Variants in INTU observed in about 807,000 individuals in gnomAD.
The protein encoded by INTU is inturned planar cell polarity protein, also known as protein inturned.
In INTU, 68 loss-of-function variants were observed where a neutral mutation model predicts 100.5. The ratio of observed to expected loss-of-function variants is 0.68; its 90% CI spans 0.56 to 0.83. The LOEUF (loss-of-function observed/expected upper bound fraction) is 0.83, where lower values mean the gene tolerates loss of function less well. INTU is among the 40% of genes least tolerant of loss of function. The pLI is 0.00. For missense variants in INTU, 1,071 were observed against 1,114.7 expected (o/e 0.96, Z 0.56); for synonymous variants, 357 against 395.7 (o/e 0.90, Z 1.16).
intron 1 of INTU, among the ~76,000 whole-genome samples, chr4:127,640,240 AAACT>A (rs1402433212): frequency 1.3e-5 from 2 of 152,022 alleles, no homozygotes; most frequent in Non-Finnish European, 2.9e-5. Flanking sequence ...AAGAAGAGGA[AAACT>A]AAAGCAATCA....
At chr4:127,672,574 A>G (rs550943464) in intron 5 of INTU, among the ~76,000 whole-genome samples, 1 of 151,968 alleles carries the variant, frequency 6.6e-6, no homozygotes, top group African/African-American at 2.4e-5. Flanking sequence ...TAATTGTGGA[A>G]AGCAGTAAAT....
rs774117110 is a variant in INTU, at chr4:127,643,971, C to A, written c.597C>A (p.Thr199=). 6.2e-7 allele frequency: 1 copy of A among 1,614,094 alleles called. No individual in the cohort carries two copies. The highest frequency in any genetic ancestry group is 8.5e-7 in the Non-Finnish European group (1 of 1,180,004). Residue 199 remains threonine, a synonymous_variant, in exon 2 of 16, where the codon ACC becomes ACA. Transcript: ENST00000335251. ...IHQTKWSWRR[T]GKQGDGERLV... The stretch of plus-strand genomic sequence containing the variant: ...AGACCAAGTGGAGCTGGAGAAGAAC[C>A]GGAAAGCAGGGTGATGGAGAGAGGC...
chr4:127,663,017 T>C (rs1249930344), intron 3 of INTU, among the ~76,000 whole-genome samples: 2 of 152,228 alleles, frequency 1.3e-5, no homozygotes, highest in African/African-American at 2.4e-5. Flanking sequence ...GGCATTGATA[T>C]TGTGGTGTTA....
rs1223632024 is a variant in INTU, at chr4:127,722,875, G to C, written c.*6439G>C. 6.6e-6 allele frequency: 1 copy of C among 152,366 alleles called. No individual in the cohort carries two copies. The highest frequency in any genetic ancestry group is 1.9e-4 in the East Asian group (1 of 5,192). 9.4% of individuals were successfully genotyped at this position (152,366 alleles called of 1,614,324 possible). A position where few individuals can be genotyped will look rare whatever the true frequency, so the allele number is the denominator to read the frequency against. On this transcript the variant is annotated 3_prime_UTR_variant, in exon 16 of 16. Transcript: ENST00000335251. The stretch of plus-strand genomic sequence containing the variant: ...AAGCCAGTGGGTTTTAGCTTATAGA[G>C]TTCTGTGAGAGCAAGGCTGCTTGGC...
chr4:127,701,082 G>A (rs1730626620), intron 9 of INTU, among the ~76,000 whole-genome samples: 1 of 152,114 alleles, frequency 6.6e-6, no homozygotes, highest in African/African-American at 2.4e-5. Flanking sequence ...CAGATAATAT[G>A]TTGTTCCTGA....
intron 9 of INTU, 71 bp from the exon 10 acceptor site, chr4:127,704,155 CTA>C: frequency 8.2e-7 from 1 of 1,215,984 alleles, no homozygotes; most frequent in Non-Finnish European, 1.2e-6. Context: ...TTCATTTTAA[CTA>C]TTATAGCTTA....
chr4:127,670,307 T>C (rs538535113), intron 5 of INTU, among the ~76,000 whole-genome samples: 80 of 151,864 alleles, frequency 5.3e-4, no homozygotes, highest in Admixed American at 2.3e-3. Flanking sequence ...TAACTTTTTT[T>C]CCCCCATATT....
chr4:127,637,606 C>G (rs927058873), intron 1 of INTU, among the ~76,000 whole-genome samples: 3 of 152,332 alleles, frequency 2.0e-5, no homozygotes, highest in African/African-American at 7.2e-5. Context: ...GACTATCTCT[C>G]CATCCTGTAC....
At position 127,687,732 on chromosome 4, in the gene INTU, C is replaced by G. The variant is rs1729890535; in HGVS notation, c.1314C>G (p.Phe438Leu). 2 of 1,613,008 alleles carry G rather than the reference C, an allele frequency of 1.2e-6. No homozygotes were observed. The highest frequency in any genetic ancestry group is 1.7e-6 in the Non-Finnish European group (2 of 1,179,360). The change falls in exon 8 of 16, where the codon TTC becomes TTG. Residue 438 changes from phenylalanine to leucine, a missense_variant. Physicochemically the swap from Phe to Leu is conservative, Grantham distance 22 (BLOSUM62 0). Coordinates refer to ENST00000335251, the MANE Select transcript of INTU (RefSeq NM_015693.4). Reference sequence around the variant, plus strand: ...GTTTGGATCATTTTTTTAACTTGTTCTTTCAAAGAGCACTTCAGCCTGCGA... The same window carrying G: ...GTTTGGATCATTTTTTTAACTTGTTGTTTCAAAGAGCACTTCAGCCTGCGA... ...VPRLDHFFNL[F>L]FQRALQPAKL...
intron 14 of INTU, among the ~76,000 whole-genome samples, chr4:127,713,107 A>G (rs768664749): frequency 1.1e-4 from 16 of 152,354 alleles, no homozygotes; most frequent in African/African-American, 1.9e-4. Context: ...GAGATGATAC[A>G]TTCTTGAACA....
At chr4:127,699,939 A>T (rs1444405685) in intron 8 of INTU, 71 bp from the exon 9 acceptor site, 13 of 1,067,594 alleles carry the variant, frequency 1.2e-5, no homozygotes, top group Non-Finnish European at 1.8e-5. Flanking sequence ...CACTTTTTAT[A>T]TGGCCATTAC....
intron 10 of INTU, among the ~76,000 whole-genome samples, chr4:127,704,641 TA>T (rs762071474): frequency 6.6e-5 from 10 of 152,150 alleles, no homozygotes; most frequent in Non-Finnish European, 1.3e-4. Flanking sequence ...CTTGTAAATA[TA>T]ATAAATATTT....
At chr4:127,675,966 G>A (rs929307186) in intron 6 of INTU, 4 of 277,116 alleles carry the variant, frequency 1.4e-5, no homozygotes, top group African/African-American at 8.9e-5. Context: ...ACTTCTTGAG[G>A]GGAAGAGTAT....
At chr4:127,668,077 G>A (rs1382985680) in intron 4 of INTU, among the ~76,000 whole-genome samples, 1 of 151,968 alleles carries the variant, frequency 6.6e-6, no homozygotes, top group Non-Finnish European at 1.5e-5. Context: ...TCATTAAACA[G>A]GGCAACTGGA....
At chr4:127,686,392 C>T (rs1298497218) in intron 7 of INTU, 2 of 152,268 alleles carry the variant, frequency 1.3e-5, no homozygotes, top group Non-Finnish European at 2.9e-5. Flanking sequence ...GGTCTCCTTC[C>T]CTTCATTCTT....
intron 8 of INTU, among the ~76,000 whole-genome samples, chr4:127,694,639 T>C (rs751753690): frequency 3.9e-5 from 6 of 152,290 alleles, no homozygotes; most frequent in African/African-American, 1.4e-4. Context: ...AATTTTATAG[T>C]TTAGCATTTT....
chr4:127,676,431 C>A lies in INTU; in HGVS notation c.1181+2218C>A, dbSNP rs1729185305. 2.0e-5 allele frequency among the ~76,000 whole-genome samples: 3 copies of A among 151,870 alleles called. No homozygotes were observed. In the South Asian group the frequency reaches 6.2e-4, roughly 32 times the overall value. ...TGAAACCCCGTCTCTTCAGCAAATACAAAAATTAGCCAGGCACAGTGGCAT... is the reference window on the plus strand; with the variant it reads ...TGAAACCCCGTCTCTTCAGCAAATAAAAAAATTAGCCAGGCACAGTGGCAT... On this transcript the variant is annotated intron_variant, in intron 6 of 15. Coordinates refer to ENST00000335251, the MANE Select transcript of INTU (RefSeq NM_015693.4).
chr4:127,695,804 T>A (rs1057004956), intron 8 of INTU, among the ~76,000 whole-genome samples: 3 of 152,178 alleles, frequency 2.0e-5, no homozygotes, highest in African/African-American at 4.8e-5. Flanking sequence ...TTTCTCACCA[T>A]TAAGTATGAA....
At chr4:127,704,138 T>G in intron 9 of INTU, 90 bp from the exon 10 acceptor site, 1 of 1,047,368 alleles carries the variant, frequency 9.5e-7, no homozygotes. Context: ...TACTAAAGAA[T>G]ATAATTTTCA....
Sources: gnomAD v4.1 joint callset for allele counts (sites outside exome capture counted in the v4.1 genomes callset) on GRCh38, gnomAD v4.1.1 for gene constraint, MANE v1.5 for transcripts, NCBI Gene and HGNC (gene_info 2026-07-23, HGNC 2026-07-21) for gene names.